FLII: variants seen among roughly 807,000 people sequenced by gnomAD.
FLII encodes protein flightless-1 homolog.
Under a neutral mutation model 156.2 loss-of-function variants are expected in FLII, and 101 were observed. The ratio of observed to expected loss-of-function variants is 0.65; its 90% CI spans 0.55 to 0.76. FLII has a LOEUF of 0.76. FLII is among the 30% of genes least tolerant of loss of function. FLII has a pLI of 0.00. For missense variants in FLII, 1,675 were observed against 1,682.8 expected, an observed-to-expected ratio of 1.00 and a Z score of 0.08; for synonymous variants, 767 against 685.8, an observed-to-expected ratio of 1.12 and a Z score of -1.85.
chr17:18,246,569 G>C (rs372325815), intron 23 of FLII, 25 bp downstream of exon 23: 2 of 1,612,674 alleles, frequency 1.2e-6, no homozygotes, highest in Non-Finnish European at 1.7e-6. Context: ...GCCTGGCCTC[G>C]GGCTCGCGGG....
chr17:18,255,681 A>T (rs2048394718), intron 3 of FLII, among the ~76,000 whole-genome samples: 1 of 152,170 alleles, frequency 6.6e-6, no homozygotes, highest in African/African-American at 2.4e-5. Flanking sequence ...ACACCTCCTC[A>T]TACCTTACAG....
At position 18,248,121 on chromosome 17, in the gene FLII, C is replaced by G. The variant is rs936902132; in HGVS notation, c.2191-88G>C. ...CCTCTGCTCTGGAACCAGCCCTGCCCTGCAGCGTGGCTCACTGACTGCTTC... is the reference window on the plus strand; with the variant it reads ...CCTCTGCTCTGGAACCAGCCCTGCCGTGCAGCGTGGCTCACTGACTGCTTC... On this transcript the variant is annotated intron_variant, in intron 18 of 29. Transcript: ENST00000327031. The G allele has an allele frequency of 4.7e-5, 40 of 857,158 alleles. No individual in the cohort carries two copies. The African/African-American group carries it at 6.6e-4, about 14-fold the overall frequency. The allele number at this position is 857,158 out of a possible 1,614,324, so 53.1% of individuals were successfully genotyped here. A position where few individuals can be genotyped will look rare whatever the true frequency, so the allele number is the denominator to read the frequency against.
intron 6 of FLII, 28 bp downstream of exon 6, chr17:18,254,493 C>T (rs766290618): frequency 1.9e-5 from 30 of 1,582,122 alleles, no homozygotes; most frequent in Non-Finnish European, 2.3e-5. Context: ...GTGGCTTCTG[C>T]AGGAGTGCGG....
chr17:18,258,854 T>G, upstream of FLII: 3 of 333,422 alleles, frequency 9.0e-6, no homozygotes, highest in Non-Finnish European at 1.0e-5. This position sits in a 1 kb window ranked among gnomAD's most constrained non-coding sequence, Gnocchi z 4.2. Context: ...GGGCCTCAGT[T>G]TCCCCGTCTG....
At chr17:18,258,757 C>T, upstream of FLII, 3 of 1,182,320 alleles carry the variant, frequency 2.5e-6, no homozygotes, top group Non-Finnish European at 3.2e-6. The surrounding 1 kb of genome is among the most constrained non-coding windows in gnomAD (Gnocchi z 4.2). Flanking sequence ...TGGGGGGAGC[C>T]GCGGGCTGGG....
chr17:18,251,505 T>C, intron 12 of FLII, 28 bp from the exon 13 acceptor site: 1 of 1,583,482 alleles, frequency 6.3e-7, no homozygotes, highest in Non-Finnish European at 8.6e-7. Context: ...GAGCACGGCT[T>C]GACTCTGTGA....
chr17:18,256,404 C>G, intron 3 of FLII, 122 bp downstream of exon 3: 1 of 758,054 alleles, frequency 1.3e-6, no homozygotes. Flanking sequence ...ACCTGAGCCT[C>G]TGAGCCTGAC....
chr17:18,250,562 G>C (rs2142833783), intron 14 of FLII, among the ~76,000 whole-genome samples: 1 of 152,304 alleles, frequency 6.6e-6, no homozygotes, highest in South Asian at 2.1e-4. Flanking sequence ...TCAGCCCACT[G>C]GTCTAGCTCC....
At position 18,249,410 on chromosome 17, in the gene FLII, T is replaced by G; in HGVS notation, c.1777-2A>C. 1 of 1,612,354 alleles carries G rather than the reference T, an allele frequency of 6.2e-7. No individual in the cohort carries two copies. The highest frequency in any genetic ancestry group is 8.5e-7 in the Non-Finnish European group (1 of 1,178,552). On this transcript the variant is annotated splice_acceptor_variant, in intron 14 of 29. Transcript: ENST00000327031. LOFTEE classifies it high-confidence loss of function. ...GTAGGAGATGTCGTTGTCAAACACCTGTGTGTGTGAGGGTGTGGTTCTTCA... is the reference window on the plus strand; with the variant it reads ...GTAGGAGATGTCGTTGTCAAACACCGGTGTGTGTGAGGGTGTGGTTCTTCA...
At chr17:18,252,691 G>A in intron 9 of FLII, 135 bp from the exon 10 acceptor site, 1 of 688,998 alleles carries the variant, frequency 1.5e-6, no homozygotes, top group Non-Finnish European at 2.6e-6. Flanking sequence ...TCTGCCTGAA[G>A]GACTTCTCAG....
At chr17:18,246,864 C>G (rs2048080090) in intron 22 of FLII, 36 bp from the exon 23 acceptor site, 1 of 1,613,710 alleles carries the variant, frequency 6.2e-7, no homozygotes, top group South Asian at 1.1e-5. Flanking sequence ...GGGGCTCGAG[C>G]CCCCAGCACC....
In FLII at chr17:18,245,678, AG is replaced by A; in HGVS notation, c.3504-19del. ...TGGAGCACCTGGGAATCAAGGGTCA[AG>A]GTGAGGCCAGAGGTCATAAGCAGCA... On this transcript the variant is annotated intron_variant, in intron 27 of 29. Coordinates refer to ENST00000327031, the MANE Select transcript of FLII (RefSeq NM_002018.4). The A allele has an allele frequency of 6.2e-7, 1 of 1,613,130 alleles. No homozygotes were observed. The highest frequency in any genetic ancestry group is 1.1e-5 in the South Asian group (1 of 91,064).
Position 18,245,907 on chromosome 17 carries a change from TGCCCGCCTGCCC to T in FLII, c.3396+15_3396+26del, listed in dbSNP as rs1567703627. On this transcript the variant is annotated intron_variant, in intron 26 of 29. Coordinates refer to ENST00000327031, the MANE Select transcript of FLII (RefSeq NM_002018.4). ...CTGCCTGCCCTGGCTCCTCTGTGTGTGCCCGCCTGCCCGCCCGCCTCCTGACCTGCTTGCTGT... is the reference window on the plus strand; with the variant it reads ...CTGCCTGCCCTGGCTCCTCTGTGTGTGCCCGCCTCCTGACCTGCTTGCTGT... 1.2e-6 allele frequency: 2 copies of T among 1,611,710 alleles called. No individual in the cohort carries two copies. The highest frequency in any genetic ancestry group is 1.7e-5 in the Admixed American group (1 of 59,460).
chr17:18,256,075 C>A (rs912214123), intron 3 of FLII, among the ~76,000 whole-genome samples: 1 of 152,222 alleles, frequency 6.6e-6, no homozygotes, highest in African/African-American at 2.4e-5. Flanking sequence ...GTAGAAGGTA[C>A]ACGGTGCTCC....
In FLII at chr17:18,249,386, TAGG is replaced by T; in HGVS notation, c.1796_1798del (p.Ser599del). Reference sequence around the variant, plus strand: ...GCCACTGGCTGTTCCACCCTCAATGTAGGAGATGTCGTTGTCAAACACCTGTGT... The same window carrying T: ...GCCACTGGCTGTTCCACCCTCAATGTAGATGTCGTTGTCAAACACCTGTGT... On this transcript the variant is annotated inframe_deletion, in exon 15 of 30. Coordinates refer to ENST00000327031, the MANE Select transcript of FLII (RefSeq NM_002018.4). The T allele has an allele frequency of 6.2e-7, 1 of 1,614,062 alleles. No individual in the cohort carries two copies.
At chr17:18,254,987 G>T in intron 4 of FLII, 133 bp from the exon 5 acceptor site, 1 of 989,014 alleles carries the variant, frequency 1.0e-6, no homozygotes, top group Non-Finnish European at 1.6e-6. Context: ...AAGGGAGACA[G>T]CCAGGGACTT....
Position 18,257,227 on chromosome 17 carries a change from A to G in FLII, c.64-208T>C, listed in dbSNP as rs2048447094. The G allele has an allele frequency of 1.5e-5, 8 of 539,988 alleles. No individual in the cohort carries two copies. In the East Asian group the frequency reaches 2.6e-4, roughly 17 times the overall value. 33.4% of individuals were successfully genotyped at this position (539,988 alleles called of 1,614,324 possible). A position where few individuals can be genotyped will look rare whatever the true frequency, so the allele number is the denominator to read the frequency against. On this transcript the variant is annotated intron_variant, in intron 1 of 29. Transcript: ENST00000327031. Reference sequence around the variant, plus strand: ...CCCGTGACAAAAGTGTTGGCCTAAGATTTGTCTCTCCTACTGGATTCTGGG... The same window carrying G: ...CCCGTGACAAAAGTGTTGGCCTAAGGTTTGTCTCTCCTACTGGATTCTGGG...
At position 18,252,229 on chromosome 17, in the gene FLII, G is replaced by A. The variant is rs1337711484; in HGVS notation, c.1099-83C>T. The A allele has an allele frequency of 3.0e-6, 4 of 1,333,194 alleles. No individual in the cohort carries two copies. The African/African-American group carries it at 5.8e-5, about 19-fold the overall frequency. 82.6% of individuals were successfully genotyped at this position (1,333,194 alleles called of 1,614,324 possible). A position where few individuals can be genotyped will look rare whatever the true frequency, so the allele number is the denominator to read the frequency against. On this transcript the variant is annotated intron_variant, in intron 10 of 29. Transcript: ENST00000327031. Reference sequence around the variant, plus strand: ...CCAATCCAGTTTCTTGCTCTTGTCTGCAGCCGCCAGGGCTGAGAGGTCAGG... The same window carrying A: ...CCAATCCAGTTTCTTGCTCTTGTCTACAGCCGCCAGGGCTGAGAGGTCAGG...
chr17:18,257,209 C>T, intron 1 of FLII, 190 bp from the exon 2 acceptor site: 1 of 553,902 alleles, frequency 1.8e-6, no homozygotes, highest in Non-Finnish European at 3.2e-6. Context: ...CCCCCCGTGA[C>T]AAAAGTGTTG....
Sources: allele counts gnomAD v4.1 joint callset (sites outside exome capture counted in the v4.1 genomes callset), GRCh38; gene constraint gnomAD v4.1.1; non-coding constraint Gnocchi (gnomAD v3.1); transcripts MANE v1.5; gene names NCBI Gene and HGNC (gene_info 2026-07-23, HGNC 2026-07-21).